The following SCAF8 variants were observed in gnomAD, a reference collection of about 807,000 sequenced individuals.
The protein encoded by SCAF8 is SR-related and CTD-associated factor 8.
SCAF8 carries 23 observed loss-of-function variants against 140.5 expected under a neutral mutation model. The ratio of observed to expected loss-of-function variants is 0.16; its 90% CI spans 0.12 to 0.23. The LOEUF (loss-of-function observed/expected upper bound fraction) is 0.23. Ranked by LOEUF, SCAF8 falls within the 10% of genes least tolerant of loss-of-function variation. The pLI, the probability that SCAF8 is intolerant of heterozygous loss-of-function variation, is 1.00. For missense variants in SCAF8, 1,397 were observed against 1,555.7 expected, an observed-to-expected ratio of 0.90 and a Z score of 1.72; for synonymous variants, 575 against 528.9, an observed-to-expected ratio of 1.09 and a Z score of -1.20.
At chr6:154,811,682 C>A (rs1185064205) in intron 12 of SCAF8, among the ~76,000 whole-genome samples, 1 of 143,092 alleles carries the variant, frequency 7.0e-6, no homozygotes, top group Non-Finnish European at 1.5e-5. Flanking sequence ...TGCTACCCTT[C>A]CCCCAACCCC....
chr6:154,767,297 C>T (rs1198318945), intron 1 of SCAF8, among the ~76,000 whole-genome samples: 1 of 152,060 alleles, frequency 6.6e-6, no homozygotes, highest in African/African-American at 2.4e-5. Context: ...TTGCACAAAA[C>T]AGTGGAGTTA....
chr6:154,827,100 G>A, intron 17 of SCAF8, 72 bp from the exon 18 acceptor site: 2 of 1,176,062 alleles, frequency 1.7e-6, no homozygotes, highest in East Asian at 4.8e-5. Context: ...TTCATTTGTA[G>A]CTGTTGGAAT....
At chr6:154,778,973 C>G (rs1249892690) in intron 3 of SCAF8, among the ~76,000 whole-genome samples, 2 of 152,092 alleles carry the variant, frequency 1.3e-5, no homozygotes, top group Non-Finnish European at 2.9e-5. Flanking sequence ...AGAGATTGTT[C>G]TGATTAAAGA....
At chr6:154,800,104 T>G (rs1175985084) in intron 6 of SCAF8, among the ~76,000 whole-genome samples, 4 of 151,464 alleles carry the variant, frequency 2.6e-5, no homozygotes, top group Non-Finnish European at 5.9e-5. Context: ...TATTTAAAAC[T>G]GTAAACTCTT....
At chr6:154,807,296 T>C (rs1265529563) in intron 9 of SCAF8, among the ~76,000 whole-genome samples, 1 of 152,162 alleles carries the variant, frequency 6.6e-6, no homozygotes, top group Non-Finnish European at 1.5e-5. Flanking sequence ...ATTTCACAGC[T>C]TAGAATAATA....
intron 19 of SCAF8, among the ~76,000 whole-genome samples, chr6:154,831,672 C>CTA (rs1778738007): frequency 8.4e-6 from 1 of 119,610 alleles, no homozygotes; most frequent in African/African-American, 3.2e-5. Flanking sequence ...CTTTCCTGTC[C>CTA]TAAAGCCTTT....
chr6:154,807,735 C>G (rs189816428), intron 9 of SCAF8, among the ~76,000 whole-genome samples: 1 of 152,188 alleles, frequency 6.6e-6, no homozygotes, highest in Non-Finnish European at 1.5e-5. Flanking sequence ...AATCTAGATT[C>G]ATTTAACTGA....
intron 11 of SCAF8, among the ~76,000 whole-genome samples, chr6:154,809,416 G>A (rs1778020563): frequency 6.6e-6 from 1 of 152,050 alleles, no homozygotes; most frequent in African/African-American, 2.4e-5. Context: ...GCAAATGAGA[G>A]CCTGTCAGTT....
At chr6:154,802,621 A>G (rs1777803073) in intron 7 of SCAF8, among the ~76,000 whole-genome samples, 1 of 138,514 alleles carries the variant, frequency 7.2e-6, no homozygotes, top group African/African-American at 2.7e-5. Context: ...TTGACTCAAA[A>G]AAAAAAAATT....
Position 154,824,271 on chromosome 6 carries a change from T to A in SCAF8, c.1964T>A (p.Val655Asp). 1 of 1,614,058 alleles carries A rather than the reference T, an allele frequency of 6.2e-7. No individual in the cohort carries two copies. Among genetic ancestry groups the A allele is most frequent in the Non-Finnish European group, 8.5e-7 (1 of 1,179,930 alleles). The stretch of plus-strand genomic sequence containing the variant: ...CCAGCCGTGCCTACAGTTAGTTTAG[T>A]CCCACCAGCATTTCCTGTGTCGATG... ...VAPAVPTVSL[V>D]PPAFPVSMPV... Residue 655 changes from valine to aspartate, a missense_variant, in exon 17 of 20, where the codon GTC (valine) becomes GAC (aspartate). By Grantham distance (152) the Val-to-Asp change is radical. Coordinates refer to ENST00000367178, the MANE Select transcript of SCAF8 (RefSeq NM_014892.5).
chr6:154,747,523 AAAAACCCATAT>A (rs1318115471), intron 1 of SCAF8, among the ~76,000 whole-genome samples: 1 of 152,086 alleles, frequency 6.6e-6, no homozygotes, highest in Non-Finnish European at 1.5e-5. Flanking sequence ...AACAAAACAA[AAAAACCCATAT>A]ACGTATACAT....
At chr6:154,794,780 G>GGGGGGT (rs1777544977) in intron 5 of SCAF8, among the ~76,000 whole-genome samples, 3 of 12,536 alleles carry the variant, frequency 2.4e-4, no homozygotes, top group Non-Finnish European at 3.9e-4. Flanking sequence ...GGGTGTGGGG[G>GGGGGGT]GTGTGTGTGT....
intron 1 of SCAF8, among the ~76,000 whole-genome samples, chr6:154,738,712 G>A (rs901237200): frequency 8.5e-5 from 13 of 152,198 alleles, no homozygotes; most frequent in African/African-American, 2.9e-4. Flanking sequence ...TAATGATTTA[G>A]CATTTCTTCC....
intron 12 of SCAF8, among the ~76,000 whole-genome samples, chr6:154,815,401 T>G (rs1049293842): frequency 5.3e-5 from 8 of 152,192 alleles, no homozygotes; most frequent in Admixed American, 2.6e-4. Context: ...TTTACAACTC[T>G]CAGTTCCTGT....
intron 16 of SCAF8, among the ~76,000 whole-genome samples, chr6:154,823,790 T>C (rs1778488513): frequency 6.6e-6 from 1 of 152,202 alleles, no homozygotes; most frequent in Non-Finnish European, 1.5e-5. Flanking sequence ...GTGGTGCAGA[T>C]GAATACTTGC....
chr6:154,778,855 C>G (rs1211840690), intron 3 of SCAF8, among the ~76,000 whole-genome samples: 1 of 150,436 alleles, frequency 6.6e-6, no homozygotes, highest in African/African-American at 2.5e-5. Context: ...TAACTTGAAG[C>G]TAAGATAAAG....
Position 154,757,853 on chromosome 6 carries a change from T to C in SCAF8, c.31-16136T>C, listed in dbSNP as rs145310527. 2.2e-4 allele frequency among the ~76,000 whole-genome samples: 34 copies of C among 152,254 alleles called. No individual in the cohort carries two copies. In the East Asian group the frequency reaches 5.0e-3, roughly 22 times the overall value. ...TCATCTTGGGATTGGCATTTGTTGA[T>C]TGTTTTTTCCCTCGAGCAGTGGACA... On this transcript the variant is annotated intron_variant, in intron 1 of 19. Coordinates refer to ENST00000367178, the MANE Select transcript of SCAF8 (RefSeq NM_014892.5).
At chr6:154,771,534 G>A (rs1325939293) in intron 1 of SCAF8, among the ~76,000 whole-genome samples, 1 of 152,214 alleles carries the variant, frequency 6.6e-6, no homozygotes, top group Non-Finnish European at 1.5e-5. Context: ...GAGTGGGAAG[G>A]CATCGACCAT....
chr6:154,753,835 T>C (rs1778900210), intron 1 of SCAF8, among the ~76,000 whole-genome samples: 1 of 152,160 alleles, frequency 6.6e-6, no homozygotes, highest in Admixed American at 6.6e-5. Context: ...TGAGCATTTA[T>C]TACCTTATTA....
Sources: gnomAD v4.1 joint callset for allele counts (sites outside exome capture counted in the v4.1 genomes callset) on GRCh38, gnomAD v4.1.1 for gene constraint, MANE v1.5 for transcripts, NCBI Gene and HGNC (gene_info 2026-07-23, HGNC 2026-07-21) for gene names.